The following PCDHA7 variants were observed in gnomAD, a reference collection of about 807,000 sequenced individuals.
PCDHA7 encodes the protein protocadherin alpha-7.
A neutral mutation model predicts 57.2 loss-of-function variants in PCDHA7; 37 were observed. That is an observed-to-expected ratio of 0.65 (90% confidence interval 0.50 to 0.85). The LOEUF is 0.85. PCDHA7 is among the 40% of genes least tolerant of loss of function. PCDHA7 has a pLI of 0.00. For synonymous variants in PCDHA7, 553 were observed against 558.8 expected, an observed-to-expected ratio of 0.99 and a Z score of 0.15; for missense variants, 1,188 against 1,241.8, an observed-to-expected ratio of 0.96 and a Z score of 0.65.
At chr5:140,897,412 C>T (rs1304528785) in intron 1 of PCDHA7, among the ~76,000 whole-genome samples, 1 of 143,354 alleles carries the variant, frequency 7.0e-6, no homozygotes, top group Non-Finnish European at 1.5e-5. Context: ...TTGTTCAATT[C>T]CCATCTATGA....
At chr5:140,920,184 AAT>A (rs782376164) in intron 1 of PCDHA7, among the ~76,000 whole-genome samples, 19 of 152,348 alleles carry the variant, frequency 1.2e-4, no homozygotes, top group East Asian at 9.6e-4. Context: ...AGTGTGTAGT[AAT>A]TTGTCACAGC....
rs782362312 is a variant in PCDHA7 at position 140,884,131 on chromosome 5, G to T, written c.2355+47393G>T. 4 of 1,613,396 alleles carry T rather than the reference G, an allele frequency of 2.5e-6. No individual in the cohort carries two copies. In the South Asian group the frequency reaches 3.3e-5, roughly 13 times the overall value. On this transcript the variant is annotated intron_variant, in intron 1 of 3. Coordinates refer to ENST00000525929, the MANE Select transcript of PCDHA7 (RefSeq NM_018910.3). ...TGGCGGCGGTCGGCGCGCGCATCCCGTTCCGCGTGGGGCTGTACACTGGCG... is the reference window on the plus strand; with the variant it reads ...TGGCGGCGGTCGGCGCGCGCATCCCTTTCCGCGTGGGGCTGTACACTGGCG...
intron 1 of PCDHA7, chr5:140,870,750 G>C: frequency 1.2e-6 from 2 of 1,613,506 alleles, no homozygotes; most frequent in Non-Finnish European, 1.7e-6. Flanking sequence ...GCAACGTGAC[G>C]CTGCAGGTGT....
At chr5:140,850,677 A>G (rs2150493410) in intron 1 of PCDHA7, 1 of 1,598,454 alleles carries the variant, frequency 6.3e-7, no homozygotes. Flanking sequence ...GGCGATGCCC[A>G]CCGAGGGCGA....
intron 1 of PCDHA7, chr5:140,849,900 C>T: frequency 6.3e-7 from 1 of 1,598,532 alleles, no homozygotes; most frequent in East Asian, 2.2e-5. Flanking sequence ...GGAGAACAAC[C>T]CGCCGGGCTG....
rs2150355650 is a variant in PCDHA7 at position 140,843,239 on chromosome 5, G to A, written c.2355+6501G>A. 1.4e-4 allele frequency: 219 copies of A among 1,595,896 alleles called. 23 individuals carry two copies. Among genetic ancestry groups the A allele is most frequent in the Non-Finnish European group, 1.8e-4 (209 of 1,165,556 alleles). On this transcript the variant is annotated intron_variant, in intron 1 of 3. Coordinates refer to ENST00000525929, the MANE Select transcript of PCDHA7 (RefSeq NM_018910.3). ...CAGCACCACTCGTGTCCTGGACGAA[G>A]CGGACTCTCCGCGCCACCGTCTGCT... is the stretch of plus-strand genomic sequence containing the variant.
intron 2 of PCDHA7, among the ~76,000 whole-genome samples, chr5:140,981,521 C>T (rs894639773): frequency 1.3e-5 from 2 of 152,208 alleles, no homozygotes; most frequent in South Asian, 4.1e-4. Flanking sequence ...TTGCAGTGAG[C>T]TGAGATCGTG....
At chr5:140,998,347 T>C (rs2097807005) in intron 3 of PCDHA7, among the ~76,000 whole-genome samples, 1 of 152,202 alleles carries the variant, frequency 6.6e-6, no homozygotes, top group Non-Finnish European at 1.5e-5. Context: ...TCTGAGTCTG[T>C]GCTCTTAACC....
chr5:140,927,970 G>A (rs1554205315), intron 1 of PCDHA7: 1 of 1,614,216 alleles, frequency 6.2e-7, no homozygotes, highest in East Asian at 2.2e-5. Context: ...CACAGTGATT[G>A]CTCTCTTTAG....
At chr5:140,969,069 T>C in intron 1 of PCDHA7, 1 of 1,614,160 alleles carries the variant, frequency 6.2e-7, no homozygotes, top group Non-Finnish European at 8.5e-7. Context: ...GATGCCAGGA[T>C]ACCGCATGGC....
Position 140,836,655 on chromosome 5 carries a change from G to T in PCDHA7, c.2272G>T (p.Val758Leu), listed in dbSNP as rs1774657436. The change falls in exon 1 of 4, where the codon GTG (valine) becomes TTG (leucine). Residue 758 changes from valine to leucine, a missense_variant. Val to Leu is a conservative substitution (Grantham distance 32, BLOSUM62 1). Around this residue, in one of 3 missense-constraint regions of PCDHA7, gnomAD observed 892 missense variants for 788.5 expected, o/e 1.13. Transcript: ENST00000525929. The stretch of plus-strand genomic sequence containing the variant: ...ATTCTCCCAGCAGAGGCGGCAGAGG[G>T]TGTGCTCTGGGGAGGGCCCACCCAA... ...WSFSQQRRQR[V>L]CSGEGPPKTD... 1 of 1,613,354 alleles carries T rather than the reference G, an allele frequency of 6.2e-7. No homozygotes were observed. The highest frequency in any genetic ancestry group is 1.3e-5 in the African/African-American group (1 of 74,788).
intron 1 of PCDHA7, chr5:140,841,844 C>T: frequency 6.2e-7 from 1 of 1,613,842 alleles, no homozygotes; most frequent in Non-Finnish European, 8.5e-7. Flanking sequence ...GCTTAGCTCT[C>T]ATGATTACTT....
intron 1 of PCDHA7, chr5:140,869,548 G>C (rs2051232334): frequency 1.2e-6 from 2 of 1,614,084 alleles, no homozygotes; most frequent in African/African-American, 2.7e-5. Context: ...TAAGCAATCG[G>C]ACTCGCGTTT....
At chr5:140,937,064 G>A (rs2091301496) in intron 1 of PCDHA7, among the ~76,000 whole-genome samples, 1 of 143,854 alleles carries the variant, frequency 7.0e-6, no homozygotes, top group Admixed American at 7.1e-5. Context: ...TTGAGACGGA[G>A]TCTCGCTCTG....
intron 1 of PCDHA7, chr5:140,882,358 G>A: frequency 1.9e-6 from 3 of 1,614,232 alleles, no homozygotes; most frequent in Non-Finnish European, 2.5e-6. Context: ...GTAGTGGCCA[G>A]CTCCACTACT....
intron 3 of PCDHA7, among the ~76,000 whole-genome samples, chr5:140,984,922 C>T (rs2097125803): frequency 6.6e-6 from 1 of 152,074 alleles, no homozygotes; most frequent in Non-Finnish European, 1.5e-5. Flanking sequence ...TAGTGCTTGA[C>T]ATATAGTTAA....
chr5:140,871,625 A>C (rs1360108001), intron 1 of PCDHA7: 1 of 1,403,018 alleles, frequency 7.1e-7, no homozygotes, highest in Non-Finnish European at 9.4e-7. Context: ...TTAGATAACA[A>C]TGTCTGTTCA....
chr5:140,851,549 T>A (rs2042091129), intron 1 of PCDHA7: 1 of 908,826 alleles, frequency 1.1e-6, no homozygotes, highest in African/African-American at 1.8e-5. Flanking sequence ...ATTCAAGAAA[T>A]GTTGACTGAA....
intron 1 of PCDHA7, chr5:140,876,327 G>T: frequency 6.2e-7 from 1 of 1,614,026 alleles, no homozygotes. Flanking sequence ...AAATGATTTT[G>T]CCAGTGAGTG....
Sources: allele counts gnomAD v4.1 joint callset (sites outside exome capture counted in the v4.1 genomes callset), GRCh38; gene constraint gnomAD v4.1.1; regional missense constraint gnomAD v4.1.1; transcripts MANE v1.5; gene names NCBI Gene and HGNC (gene_info 2026-07-23, HGNC 2026-07-21).